Variants in RAPGEF5 observed in about 807,000 individuals in gnomAD.
The protein encoded by RAPGEF5 is M-Ras-regulated GEF.
RAPGEF5 carries 65 observed loss-of-function variants against 125.2 expected under a neutral mutation model. The ratio of observed to expected loss-of-function variants is 0.52; its 90% CI spans 0.43 to 0.64. The LOEUF (loss-of-function observed/expected upper bound fraction) is 0.64, where lower values mean the gene tolerates loss of function less well. RAPGEF5 is among the 30% of genes least tolerant of loss of function. The pLI, the probability that RAPGEF5 is intolerant of heterozygous loss-of-function variation, is 0.00. For missense variants in RAPGEF5, 958 were observed against 1,048.1 expected, an observed-to-expected ratio of 0.91 and a Z score of 1.19; for synonymous variants, 391 against 385.9, an observed-to-expected ratio of 1.01 and a Z score of -0.16.
chr7:22,150,626 A>G, intron 17 of RAPGEF5, 122 bp from the exon 18 acceptor site: 5 of 1,324,816 alleles, frequency 3.8e-6, no homozygotes, highest in Non-Finnish European at 3.9e-6. Context: ...AAGTAAATAG[A>G]ACTTAAAGTG....
At chr7:22,150,595 T>C in intron 17 of RAPGEF5, 91 bp from the exon 18 acceptor site, 2 of 1,452,390 alleles carry the variant, frequency 1.4e-6, no homozygotes, top group African/African-American at 1.4e-5. Flanking sequence ...AAAGTGAAAC[T>C]TGCCAAAGAA....
chr7:22,187,977 A>C (rs908175221), intron 11 of RAPGEF5, among the ~76,000 whole-genome samples: 17 of 152,244 alleles, frequency 1.1e-4, no homozygotes, highest in Non-Finnish European at 1.9e-4. Flanking sequence ...CTGTTTTGTT[A>C]AAAGCATCAC....
chr7:22,300,950 G>C (rs955940899), intron 5 of RAPGEF5, among the ~76,000 whole-genome samples: 1 of 152,174 alleles, frequency 6.6e-6, no homozygotes, highest in Non-Finnish European at 1.5e-5. Context: ...TTTGACAACT[G>C]TGCCACCACT....
intron 1 of RAPGEF5, among the ~76,000 whole-genome samples, chr7:22,353,590 T>C (rs1010737565): frequency 6.6e-6 from 1 of 152,162 alleles, no homozygotes; most frequent in East Asian, 1.9e-4. Context: ...AGGTGTTCAT[T>C]ATACCATTCT....
intron 7 of RAPGEF5, among the ~76,000 whole-genome samples, chr7:22,243,466 G>C (rs1786392172): frequency 6.6e-6 from 1 of 152,086 alleles, no homozygotes. Flanking sequence ...ATGTTGGCCA[G>C]GCTGGTCTTG....
intron 6 of RAPGEF5, among the ~76,000 whole-genome samples, chr7:22,290,172 T>G (rs1197588552): frequency 6.6e-6 from 1 of 152,220 alleles, no homozygotes; most frequent in Non-Finnish European, 1.5e-5. Flanking sequence ...TATAAAACTC[T>G]GTACAGACCA....
Position 22,238,008 on chromosome 7 carries a change from C to T in RAPGEF5, c.797-7089G>A, listed in dbSNP as rs118072107. On this transcript the variant is annotated intron_variant, in intron 7 of 25. Transcript: ENST00000665637. ...AATGAGAAAAGGGGAGAAATGCAGTCGAGAGCTGGCATAAACAAACGTAAA... is the reference window on the plus strand; with the variant it reads ...AATGAGAAAAGGGGAGAAATGCAGTTGAGAGCTGGCATAAACAAACGTAAA... 7.0e-4 allele frequency among the ~76,000 whole-genome samples: 106 copies of T among 152,152 alleles called. 1 individual carries two copies. The East Asian group carries it at 0.016, about 23-fold the overall frequency.
At chr7:22,351,517 C>T (rs961471087) in intron 1 of RAPGEF5, among the ~76,000 whole-genome samples, 1 of 152,294 alleles carries the variant, frequency 6.6e-6, no homozygotes, top group Non-Finnish European at 1.5e-5. Context: ...GCAAACCTCC[C>T]TTCTGGCACA....
Position 22,318,048 on chromosome 7 carries a change from C to CA in RAPGEF5, c.232-12dup. On this transcript the variant is annotated splice_polypyrimidine_tract_variant and intron_variant, in intron 1 of 25. Transcript: ENST00000665637. ...TCTTCTTGATAGAGTCTATTTTAAA[C>CA]AAAGAAAAAAAAAATAGTTAGAACC... 1.5e-6 allele frequency: 2 copies of CA among 1,364,082 alleles called. No individual in the cohort carries two copies. The highest frequency in any genetic ancestry group is 1.7e-5 in the South Asian group (1 of 57,262). The allele number at this position is 1,364,082 out of a possible 1,614,324, so 84.5% of individuals were successfully genotyped here.
At chr7:22,128,556 A>C (rs1782818148) in intron 24 of RAPGEF5, among the ~76,000 whole-genome samples, 1 of 152,232 alleles carries the variant, frequency 6.6e-6, no homozygotes, top group South Asian at 2.1e-4. Context: ...TCCTTTACTA[A>C]GAAATATTCC....
At chr7:22,251,775 CAAAAAAAAAAAAAA>C (rs58681076) in intron 7 of RAPGEF5, among the ~76,000 whole-genome samples, 1 of 73,344 alleles carries the variant, frequency 1.4e-5, no homozygotes, top group Admixed American at 2.0e-4. Flanking sequence ...GTTTCATTGA[CAAAAAAAAAAAAAA>C]AAAAAAAAAA....
chr7:22,234,297 G>A (rs1786131910), intron 7 of RAPGEF5, among the ~76,000 whole-genome samples: 1 of 152,158 alleles, frequency 6.6e-6, no homozygotes, highest in African/African-American at 2.4e-5. Context: ...GGAGGAAGGA[G>A]TTATTTAGAT....
intron 6 of RAPGEF5, among the ~76,000 whole-genome samples, chr7:22,289,919 C>T (rs904894019): frequency 1.3e-5 from 2 of 152,168 alleles, no homozygotes; most frequent in African/African-American, 2.4e-5. Flanking sequence ...CCATGCAAGA[C>T]GTACCTGGTT....
chr7:22,353,010 T>A (rs1002157251), intron 1 of RAPGEF5, among the ~76,000 whole-genome samples: 1 of 152,214 alleles, frequency 6.6e-6, no homozygotes, highest in African/African-American at 2.4e-5. Context: ...TATCCAGACA[T>A]TATGCGTCTC....
intron 1 of RAPGEF5, among the ~76,000 whole-genome samples, chr7:22,347,120 T>C (rs1242572999): frequency 6.6e-6 from 1 of 151,960 alleles, no homozygotes; most frequent in Non-Finnish European, 1.5e-5. Flanking sequence ...CACACACATA[T>C]ATATATTTTA....
intron 20 of RAPGEF5, among the ~76,000 whole-genome samples, chr7:22,144,110 C>A (rs1783352364): frequency 6.6e-6 from 1 of 152,222 alleles, no homozygotes; most frequent in South Asian, 2.1e-4. Flanking sequence ...GTCCAAAGAA[C>A]AGACCCTTGA....
intron 19 of RAPGEF5, 86 bp downstream of exon 19, chr7:22,146,811 T>G (rs1230428816): frequency 7.0e-7 from 1 of 1,427,860 alleles, no homozygotes; most frequent in East Asian, 2.4e-5. Context: ...TCTAGCATAA[T>G]TTCATCACCG....
chr7:22,300,552 T>A (rs1350689205), intron 5 of RAPGEF5, among the ~76,000 whole-genome samples: 1 of 152,210 alleles, frequency 6.6e-6, no homozygotes, highest in African/African-American at 2.4e-5. Flanking sequence ...GCCTCAATGA[T>A]TCCAGCTGCA....
At chr7:22,162,589 G>T in intron 12 of RAPGEF5, 48 bp from the exon 13 acceptor site, 1 of 1,510,872 alleles carries the variant, frequency 6.6e-7, no homozygotes, top group Non-Finnish European at 9.1e-7. Context: ...TTTAAAATAT[G>T]AAGACATCCA....
Sources: allele counts gnomAD v4.1 joint callset (sites outside exome capture counted in the v4.1 genomes callset), GRCh38; gene constraint gnomAD v4.1.1; transcripts MANE v1.5; gene names NCBI Gene and HGNC (gene_info 2026-07-23, HGNC 2026-07-21).